Variants in PLEKHM1 observed in about 807,000 individuals in gnomAD.
PLEKHM1 encodes the protein pleckstrin homology domain-containing family M member 1.
Under a neutral mutation model 94.3 loss-of-function variants are expected in PLEKHM1, and 28 were observed. The ratio of observed to expected loss-of-function variants is 0.30; its 90% CI spans 0.22 to 0.41. The LOEUF is 0.41. Ranked by LOEUF, PLEKHM1 falls within the 10% of genes least tolerant of loss-of-function variation. PLEKHM1 has a pLI of 1.00. For synonymous variants in PLEKHM1, 424 were observed against 581.2 expected (o/e 0.73, Z 3.89); for missense variants, 907 against 1,358.6 (o/e 0.67, Z 5.22).
At chr17:45,441,894 A>T (rs1248912227) in intron 9 of PLEKHM1, among the ~76,000 whole-genome samples, 1 of 152,210 alleles carries the variant, frequency 6.6e-6, no homozygotes, top group Non-Finnish European at 1.5e-5. Flanking sequence ...GGAGAGAAGA[A>T]GATGAGGGGA....
intron 5 of PLEKHM1, among the ~76,000 whole-genome samples, chr17:45,467,218 G>T (rs2051346908): frequency 6.6e-6 from 1 of 152,186 alleles, no homozygotes; most frequent in Non-Finnish European, 1.5e-5. Flanking sequence ...AAGCGCTGGG[G>T]TTACAGGTGT....
At chr17:45,456,460 G>C (rs1239575683) in intron 6 of PLEKHM1, 1 of 152,264 alleles carries the variant, frequency 6.6e-6, no homozygotes, top group Non-Finnish European at 1.5e-5. Context: ...GGTGTCCAAA[G>C]GACACACAAT....
chr17:45,459,744 G>A (rs1271269337), intron 5 of PLEKHM1: 1 of 128,418 alleles, frequency 7.8e-6, no homozygotes, highest in Non-Finnish European at 1.7e-5. Flanking sequence ...CACCAGCAAT[G>A]TACGAGGGTT....
chr17:45,488,303 C>T (rs1009215233), intron 1 of PLEKHM1, among the ~76,000 whole-genome samples: 11 of 152,156 alleles, frequency 7.2e-5, no homozygotes, highest in Admixed American at 2.6e-4. Context: ...AAAACAGGAC[C>T]GTTGCCTGAC....
chr17:45,450,173 C>T (rs1213448969), intron 8 of PLEKHM1, among the ~76,000 whole-genome samples: 1 of 151,868 alleles, frequency 6.6e-6, no homozygotes, highest in Non-Finnish European at 1.5e-5. Context: ...ACCTATCCAT[C>T]CACCTAACCA....
At chr17:45,463,470 G>A (rs1306526174) in intron 5 of PLEKHM1, among the ~76,000 whole-genome samples, 1 of 152,082 alleles carries the variant, frequency 6.6e-6, no homozygotes, top group Non-Finnish European at 1.5e-5. Flanking sequence ...TCGGCTCACT[G>A]CAACATTTGC....
chr17:45,454,158 T>G lies in PLEKHM1; in HGVS notation c.1694A>C (p.Tyr565Ser), dbSNP rs762266529. 2 of 1,613,918 alleles carry G rather than the reference T, an allele frequency of 1.2e-6. No individual in the cohort carries two copies. Among genetic ancestry groups the G allele is most frequent in the Non-Finnish European group, 1.7e-6 (2 of 1,180,024 alleles). ...CELSPLEFRLYLSNEEHTCVE... is the reference protein window; with the variant it reads ...CELSPLEFRLSLSNEEHTCVE... ...ACAGGTGTGCTCCTCGTTGCTCAGG[T>G]AGAGGCGGAACTCCAGCGGGGAGAG... The change falls in exon 7 of 12, where the codon TAC becomes TCC. Residue 565 changes from tyrosine to serine, a missense_variant. By Grantham distance (144) the Tyr-to-Ser change is moderately radical (BLOSUM62 -2). Around this residue, in one of 3 missense-constraint regions of PLEKHM1, gnomAD observed 477 missense variants for 601.5 expected, o/e 0.79. Transcript: ENST00000430334.
At position 45,477,977 on chromosome 17, in the gene PLEKHM1, T is replaced by C. The variant is rs766792811; in HGVS notation, c.219A>G (p.Gly73=). The C allele has an allele frequency of 1.2e-6, 2 of 1,614,050 alleles. No individual in the cohort carries two copies. Among genetic ancestry groups the C allele is most frequent in the South Asian group, 1.1e-5 (1 of 91,060 alleles). ...HAKHIRAEAG[G]KRKKSAHQKP... ...TCTGGTGGGCACTTTTCTTCCTTTTTCCTCCGGCCTCAGCTCGGATGTGCT... is the reference window on the plus strand; with the variant it reads ...TCTGGTGGGCACTTTTCTTCCTTTTCCCTCCGGCCTCAGCTCGGATGTGCT... Residue 73 remains glycine (G), a synonymous_variant, in exon 3 of 12, where the codon GGA becomes GGG. Transcript: ENST00000430334.
chr17:45,490,530 G>C, intron 1 of PLEKHM1, 122 bp downstream of exon 1: 1 of 372,588 alleles, frequency 2.7e-6, no homozygotes, highest in South Asian at 1.8e-5. Flanking sequence ...CCCTGAAGCC[G>C]GGCAGTCTCA....
chr17:45,488,548 C>A (rs1322673157), intron 1 of PLEKHM1, among the ~76,000 whole-genome samples: 1 of 152,110 alleles, frequency 6.6e-6, no homozygotes, highest in East Asian at 1.9e-4. Flanking sequence ...AAATATACTG[C>A]ATATTAATGG....
intron 1 of PLEKHM1, among the ~76,000 whole-genome samples, chr17:45,485,867 C>T (rs1221638409): frequency 6.6e-6 from 1 of 151,762 alleles, no homozygotes; most frequent in Non-Finnish European, 1.5e-5. Context: ...TGCAGTGAGT[C>T]GAGATCATGC....
chr17:45,445,152 A>C lies in PLEKHM1; in HGVS notation c.2837+318T>G, dbSNP rs1010669736. 6.6e-6 allele frequency among the ~76,000 whole-genome samples: 1 copy of C among 152,248 alleles called. No homozygotes were observed. The highest frequency in any genetic ancestry group is 2.4e-5 in the African/African-American group (1 of 41,466). ...CAAATAGATACATGAACAAAACCCC[A>C]AAATCACCCCCAAAAGATGTGATCA... On this transcript the variant is annotated intron_variant, in intron 9 of 11. Transcript: ENST00000430334. The surrounding 1 kb of genome is among the most constrained non-coding windows in gnomAD (Gnocchi z 4.2).
At chr17:45,478,444 C>T (rs181268211) in intron 2 of PLEKHM1, among the ~76,000 whole-genome samples, 3 of 152,270 alleles carry the variant, frequency 2.0e-5, no homozygotes, top group East Asian at 1.9e-4. Flanking sequence ...CTTAAGTGAA[C>T]TTAGAGCCAT....
Position 45,437,714 on chromosome 17 carries a change from CG to C in PLEKHM1, c.*143del, listed in dbSNP as rs2050310708. Reference sequence around the variant, plus strand: ...ACTTCCTGGGCTTTCTCTGGGAGGCCGGTGCTCTGGCCACATCTGAGGGTCT... The same window carrying C: ...ACTTCCTGGGCTTTCTCTGGGAGGCCGTGCTCTGGCCACATCTGAGGGTCT... On this transcript the variant is annotated 3_prime_UTR_variant, in exon 12 of 12. Coordinates refer to ENST00000430334, the MANE Select transcript of PLEKHM1 (RefSeq NM_014798.3). This position sits in a 1 kb window ranked among gnomAD's most constrained non-coding sequence, Gnocchi z 4.0. 1.4e-6 allele frequency: 1 copy of C among 736,474 alleles called. No homozygotes were observed. Among genetic ancestry groups the C allele is most frequent in the Admixed American group, 2.0e-5 (1 of 50,516 alleles). The allele number at this position is 736,474 out of a possible 1,614,324, so 45.6% of individuals were successfully genotyped here. A position where few individuals can be genotyped will look rare whatever the true frequency, so the allele number is the denominator to read the frequency against.
At chr17:45,465,345 C>T (rs1198364734) in intron 5 of PLEKHM1, among the ~76,000 whole-genome samples, 1 of 151,788 alleles carries the variant, frequency 6.6e-6, no homozygotes, top group East Asian at 1.9e-4. Flanking sequence ...TTTTGAGCTA[C>T]GGGGGTCCGG....
intron 4 of PLEKHM1, among the ~76,000 whole-genome samples, chr17:45,472,089 A>G (rs1021649354): frequency 2.1e-4 from 32 of 151,598 alleles, no homozygotes; most frequent in Non-Finnish European, 4.0e-4. Flanking sequence ...TGTAATGATA[A>G]GCACAAGGAA....
intron 8 of PLEKHM1, among the ~76,000 whole-genome samples, chr17:45,448,635 G>A (rs2050682398): frequency 6.6e-6 from 1 of 152,216 alleles, no homozygotes; most frequent in Admixed American, 6.5e-5. Context: ...GCCCCAGGGA[G>A]AGAAAGGACA....
chr17:45,446,482 C>T (rs1262808433), intron 8 of PLEKHM1, among the ~76,000 whole-genome samples: 1 of 152,218 alleles, frequency 6.6e-6, no homozygotes, highest in South Asian at 2.1e-4. Context: ...CACCAGGCTG[C>T]TGCACTAATC....
chr17:45,483,932 C>G (rs1379095336), intron 1 of PLEKHM1, among the ~76,000 whole-genome samples: 2 of 152,202 alleles, frequency 1.3e-5, no homozygotes, highest in Admixed American at 1.3e-4. Context: ...CCTGAATGGG[C>G]CCCCCTTGGC....
Sources: gnomAD v4.1 joint callset for allele counts (sites outside exome capture counted in the v4.1 genomes callset) on GRCh38, gnomAD v4.1.1 for gene constraint, gnomAD v4.1.1 regional missense constraint, Gnocchi (gnomAD v3.1) non-coding constraint, MANE v1.5 for transcripts, NCBI Gene and HGNC (gene_info 2026-07-23, HGNC 2026-07-21) for gene names.